Variants in LNX1 observed in about 807,000 individuals in gnomAD.
LNX1 encodes the protein E3 ubiquitin-protein ligase LNX.
LNX1 carries 54 observed loss-of-function variants against 68.4 expected under a neutral mutation model. The ratio of observed to expected loss-of-function variants is 0.79; its 90% CI spans 0.63 to 0.99. LNX1 has a LOEUF of 0.99. Ranked by LOEUF, LNX1 falls within the 50% of genes least tolerant of loss-of-function variation. The pLI is 0.00. For synonymous variants in LNX1, 336 were observed against 350.0 expected (o/e 0.96, Z 0.45); for missense variants, 906 against 926.4 (o/e 0.98, Z 0.29).
At chr4:53,617,086 A>T (rs1733707476) in intron 1 of LNX1, among the ~76,000 whole-genome samples, 1 of 152,222 alleles carries the variant, frequency 6.6e-6, no homozygotes, top group Admixed American at 6.5e-5. Context: ...AAACATATAA[A>T]CTATAATACA....
intron 2 of LNX1, among the ~76,000 whole-genome samples, chr4:53,614,397 G>T (rs1733609230): frequency 6.6e-6 from 1 of 152,092 alleles, no homozygotes; most frequent in Non-Finnish European, 1.5e-5. Context: ...TTCTGGAAAT[G>T]GATATCCCTT....
intron 2 of LNX1, among the ~76,000 whole-genome samples, chr4:53,533,564 A>G (rs2109627643): frequency 6.6e-6 from 1 of 152,136 alleles, no homozygotes; most frequent in East Asian, 1.9e-4. Context: ...ACACCTGGCT[A>G]ATTTTTGTAT....
chr4:53,625,842 CCCGTGTGT>C (rs767424399), intron 1 of LNX1, among the ~76,000 whole-genome samples: 875 of 50,546 alleles, frequency 0.017, 13 homozygotes, highest in African/African-American at 0.043. Flanking sequence ...GCAATTCCAC[CCCGTGTGT>C]GTGTGTGTGT....
chr4:53,498,229 T>C (rs1021006157), intron 5 of LNX1, among the ~76,000 whole-genome samples: 2 of 152,168 alleles, frequency 1.3e-5, no homozygotes, highest in African/African-American at 4.8e-5. Context: ...AAATGTTCTA[T>C]TAATCTACTC....
intron 1 of LNX1, among the ~76,000 whole-genome samples, chr4:53,634,295 G>T (rs1445953684): frequency 1.3e-5 from 2 of 150,992 alleles, no homozygotes; most frequent in Non-Finnish European, 2.9e-5. Context: ...CCAGGCTGGA[G>T]TACAGTGGCA....
chr4:53,538,553 C>T (rs537485188), intron 2 of LNX1, among the ~76,000 whole-genome samples: 1 of 152,280 alleles, frequency 6.6e-6, no homozygotes, highest in East Asian at 1.9e-4. Context: ...TGAATAAGCC[C>T]TACAATAGGA....
chr4:53,642,217 C>T (rs1577825680), intron 1 of LNX1, among the ~76,000 whole-genome samples: 1 of 136,766 alleles, frequency 7.3e-6, no homozygotes, highest in South Asian at 2.3e-4. Flanking sequence ...GAGCAAAATC[C>T]TATCTTAAAA....
At chr4:53,637,959 CTG>C (rs1433447204) in intron 1 of LNX1, among the ~76,000 whole-genome samples, 1 of 152,182 alleles carries the variant, frequency 6.6e-6, no homozygotes, top group East Asian at 1.9e-4. Context: ...AAGGCTCCCA[CTG>C]TGTATTCTTG....
In LNX1 at chr4:53,459,824, CACA is replaced by C. The variant is rs1721470019; in HGVS notation, c.*1080_*1082del. On this transcript the variant is annotated 3_prime_UTR_variant, in exon 11 of 11. Coordinates refer to ENST00000263925, the MANE Select transcript of LNX1 (RefSeq NM_001126328.3). ...ACACCACTCTCTTAAGAGGCTGCAT[CACA>C]AAAGGCAACAAAGGGCCCCTCTAAG... The C allele has an allele frequency of 3.8e-6, 1 of 260,108 alleles. No individual in the cohort carries two copies. Among genetic ancestry groups the C allele is most frequent in the Non-Finnish European group, 7.4e-6 (1 of 135,254 alleles). The allele number at this position is 260,108 out of a possible 1,614,324, so 16.1% of individuals were successfully genotyped here. A position where few individuals can be genotyped will look rare whatever the true frequency, so the allele number is the denominator to read the frequency against.
chr4:53,484,908 C>G (rs1724187047), intron 6 of LNX1, among the ~76,000 whole-genome samples: 1 of 152,198 alleles, frequency 6.6e-6, no homozygotes. Context: ...GTCTGGCCAT[C>G]ACTTCTGATC....
Position 53,460,865 on chromosome 4 carries a change from C to T in LNX1, c.*42G>A. 1 of 1,553,204 alleles carries T rather than the reference C, an allele frequency of 6.4e-7. No individual in the cohort carries two copies. The highest frequency in any genetic ancestry group is 8.8e-7 in the Non-Finnish European group (1 of 1,139,866). On this transcript the variant is annotated 3_prime_UTR_variant, in exon 11 of 11. Transcript: ENST00000263925. ...AAATATAGTGTTTCAACTTCTTAGCCTATTTGTGATTTTTCTGTTTTCCTC... is the reference window on the plus strand; with the variant it reads ...AAATATAGTGTTTCAACTTCTTAGCTTATTTGTGATTTTTCTGTTTTCCTC...
chr4:53,467,954 A>G (rs1375004224), intron 9 of LNX1, among the ~76,000 whole-genome samples: 6 of 152,264 alleles, frequency 3.9e-5, no homozygotes, highest in Admixed American at 1.3e-4. Flanking sequence ...CAATCTAGCA[A>G]GGCAGGCCAA....
chr4:53,591,312 T>C (rs1732492288), intron 1 of LNX1, 76 bp downstream of exon 1: 7 of 889,618 alleles, frequency 7.9e-6, no homozygotes, highest in African/African-American at 3.6e-5. Flanking sequence ...ATTTTTTCAT[T>C]CAAATTCCGT....
intron 5 of LNX1, among the ~76,000 whole-genome samples, chr4:53,497,755 TCTTATGCTCCACCTCGGAGGCC>T (rs1394510212): frequency 6.6e-6 from 1 of 152,200 alleles, no homozygotes; most frequent in African/African-American, 2.4e-5. Flanking sequence ...GAGGGCCCTG[TCTTATGCTCCACCTCGGAGGCC>T]AGCAGGAATT....
intron 1 of LNX1, among the ~76,000 whole-genome samples, chr4:53,629,925 C>A (rs1292074751): frequency 6.6e-6 from 1 of 152,132 alleles, no homozygotes; most frequent in Non-Finnish European, 1.5e-5. Context: ...TACATCAATT[C>A]TTCTCATTCC....
intron 2 of LNX1, among the ~76,000 whole-genome samples, chr4:53,614,313 C>T (rs995620163): frequency 1.3e-5 from 2 of 152,156 alleles, no homozygotes; most frequent in African/African-American, 4.8e-5. Context: ...GACTCTGGGG[C>T]TTATTCTAAG....
chr4:53,535,907 A>C (rs1728341237), intron 2 of LNX1, among the ~76,000 whole-genome samples: 1 of 152,136 alleles, frequency 6.6e-6, no homozygotes, highest in Admixed American at 6.5e-5. Context: ...AAGCACCATC[A>C]CACCCATTTT....
chr4:53,469,193 A>G (rs1722948518), intron 9 of LNX1, among the ~76,000 whole-genome samples: 1 of 152,228 alleles, frequency 6.6e-6, no homozygotes, highest in South Asian at 2.1e-4. Flanking sequence ...AACTCACTCA[A>G]AACTGCTCAA....
chr4:53,547,484 G>C (rs191772267), intron 2 of LNX1, among the ~76,000 whole-genome samples: 9 of 152,304 alleles, frequency 5.9e-5, no homozygotes, highest in African/African-American at 2.2e-4. Flanking sequence ...TCTGACTGCA[G>C]AGCATGTGCC....
Sources: allele counts gnomAD v4.1 joint callset (sites outside exome capture counted in the v4.1 genomes callset), GRCh38; gene constraint gnomAD v4.1.1; transcripts MANE v1.5; gene names NCBI Gene and HGNC (gene_info 2026-07-23, HGNC 2026-07-21).